Variants in ADGRA2 observed in about 807,000 individuals in gnomAD.
ADGRA2 encodes the protein adhesion G protein-coupled receptor A2.
In ADGRA2, 61 loss-of-function variants were observed where a neutral mutation model predicts 98.7. The observed-to-expected ratio is 0.62, with a 90% confidence interval of 0.50 to 0.76. The LOEUF is 0.76. Among genes scored for constraint, ADGRA2 ranks in the 30% least tolerant of loss-of-function variants. The pLI, the probability that ADGRA2 is intolerant of heterozygous loss-of-function variation, is 0.00. For missense variants in ADGRA2, 1,712 were observed against 1,860.0 expected (o/e 0.92, Z 1.46); for synonymous variants, 858 against 831.5 (o/e 1.03, Z -0.55).
Position 37,842,685 on chromosome 8 carries a change from T to C in ADGRA2, c.*330T>C. ...CCCCAAGTACTCCCACCCCGCCTACTGTCCATGCGGCCTCACTGGGGGCCA... is the reference window on the plus strand; with the variant it reads ...CCCCAAGTACTCCCACCCCGCCTACCGTCCATGCGGCCTCACTGGGGGCCA... On this transcript the variant is annotated 3_prime_UTR_variant, in exon 19 of 19. Coordinates refer to ENST00000412232, the MANE Select transcript of ADGRA2 (RefSeq NM_032777.10). 3.9e-6 allele frequency: 1 copy of C among 257,886 alleles called. No individual in the cohort carries two copies. Among genetic ancestry groups the C allele is most frequent in the East Asian group, 7.4e-5 (1 of 13,526 alleles). 16.0% of individuals were successfully genotyped at this position (257,886 alleles called of 1,614,324 possible).
intron 2 of ADGRA2, among the ~76,000 whole-genome samples, chr8:37,825,588 G>A (rs530072440): frequency 5.9e-5 from 9 of 152,128 alleles, no homozygotes; most frequent in Non-Finnish European, 1.2e-4. Context: ...TCTGGAAATT[G>A]TATGCATAGT....
chr8:37,838,089 G>T (rs1805672087), intron 14 of ADGRA2, 150 bp downstream of exon 14: 1 of 689,488 alleles, frequency 1.5e-6, no homozygotes, highest in Non-Finnish European at 2.3e-6. Flanking sequence ...GGGATGTGGG[G>T]AAATGGCCCT....
At chr8:37,815,026 C>T in intron 2 of ADGRA2, 59 bp downstream of exon 2, 1 of 1,194,008 alleles carries the variant, frequency 8.4e-7, no homozygotes, top group Non-Finnish European at 1.3e-6. Context: ...AAGAGGTCAC[C>T]CCGGGGAGGA....
At position 37,844,632 on chromosome 8, in the gene ADGRA2, G is replaced by T; in HGVS notation, c.*2277G>T. ...ATCTCCAGTGACAGTGGAGACAGGGGGTACAGGGCAGATCCGCTTCGGGGA... is the reference window on the plus strand; with the variant it reads ...ATCTCCAGTGACAGTGGAGACAGGGTGTACAGGGCAGATCCGCTTCGGGGA... On this transcript the variant is annotated 3_prime_UTR_variant, in exon 19 of 19. Transcript: ENST00000412232. 6.2e-7 allele frequency: 1 copy of T among 1,614,118 alleles called. No individual in the cohort carries two copies. The highest frequency in any genetic ancestry group is 8.5e-7 in the Non-Finnish European group (1 of 1,180,030).
intron 2 of ADGRA2, among the ~76,000 whole-genome samples, chr8:37,827,821 G>A (rs1475714167): frequency 6.8e-6 from 1 of 146,516 alleles, no homozygotes. Flanking sequence ...GAGGGGCACA[G>A]GGATAAAACA....
At chr8:37,828,052 G>A (rs1805330714) in intron 2 of ADGRA2, among the ~76,000 whole-genome samples, 1 of 152,056 alleles carries the variant, frequency 6.6e-6, no homozygotes. Context: ...AGAGGTTGGA[G>A]GATGGCTTGG....
Position 37,833,108 on chromosome 8 carries a change from C to T in ADGRA2, c.1196C>T (p.Ala399Val). 14 of 1,611,618 alleles carry T rather than the reference C, an allele frequency of 8.7e-6. No homozygotes were observed. The highest frequency in any genetic ancestry group is 1.1e-5 in the Non-Finnish European group (13 of 1,179,576). The change falls in exon 9 of 19, where the codon GCC becomes GTC. Residue 399 changes from alanine (A) to valine (V), a missense_variant. Transcript: ENST00000412232. ...GGCGGGGGTGCCCCGGGCACCCGAG[C>T]CTCCCGCCGGTGTGACCGTGCCGGC... ...PLGGGAPGTR[A>V]SRRCDRAGRW... is the part of the protein sequence containing the mutation.
Position 37,842,042 on chromosome 8 carries a change from G to A in ADGRA2, c.3704G>A (p.Arg1235His). The change falls in exon 19 of 19, where the codon CGC becomes CAC. Residue 1235 changes from arginine to histidine, a missense_variant. Arg to His is a conservative substitution (Grantham distance 29). Transcript: ENST00000412232. ...SPTDSYLGSS[R>H]NSPGAGLQLE... ...ACCGACAGCTACCTGGGCAGCAGCC[G>A]CAACAGCCCGGGCGCCGGCCTGCAG... is the stretch of plus-strand genomic sequence containing the variant. 1.3e-6 allele frequency: 2 copies of A among 1,519,122 alleles called. No homozygotes were observed. Among genetic ancestry groups the A allele is most frequent in the Admixed American group, 2.0e-5 (1 of 49,144 alleles). The allele number at this position is 1,519,122 out of a possible 1,614,324, so 94.1% of individuals were successfully genotyped here. A position where few individuals can be genotyped will look rare whatever the true frequency, so the allele number is the denominator to read the frequency against.
chr8:37,806,526 C>CTTTTTCTTTTTTTTTTTT (rs756594430), intron 1 of ADGRA2, among the ~76,000 whole-genome samples: 1 of 100,356 alleles, frequency 1.0e-5, no homozygotes, highest in African/African-American at 5.1e-5. Flanking sequence ...TTTTCTTTTT[C>CTTTTTCTTTTTTTTTTTT]TTTTTTTTTT....
intron 1 of ADGRA2, among the ~76,000 whole-genome samples, chr8:37,801,430 G>A (rs1804500786): frequency 6.6e-6 from 1 of 152,156 alleles, no homozygotes; most frequent in African/African-American, 2.4e-5. Context: ...GGGAGAACCT[G>A]GGTGTGGGAG....
intron 2 of ADGRA2, among the ~76,000 whole-genome samples, chr8:37,821,697 G>A (rs964133451): frequency 1.1e-4 from 17 of 152,288 alleles, no homozygotes; most frequent in African/African-American, 3.9e-4. Context: ...CCAGAGGCTC[G>A]TGCACGGCTA....
chr8:37,839,798 G>A (rs1438047098), intron 16 of ADGRA2, among the ~76,000 whole-genome samples, 176 bp downstream of exon 16: 4 of 152,164 alleles, frequency 2.6e-5, no homozygotes, highest in Non-Finnish European at 1.5e-5. Context: ...GTGAAAGTAG[G>A]GGGTGGTAAG....
At position 37,844,253 on chromosome 8, in the gene ADGRA2, T is replaced by C; in HGVS notation, c.*1898T>C. 1 of 548,226 alleles carries C rather than the reference T, an allele frequency of 1.8e-6. No individual in the cohort carries two copies. Among genetic ancestry groups the C allele is most frequent in the Non-Finnish European group, 3.3e-6 (1 of 304,948 alleles). 34.0% of individuals were successfully genotyped at this position (548,226 alleles called of 1,614,324 possible). A position where few individuals can be genotyped will look rare whatever the true frequency, so the allele number is the denominator to read the frequency against. On this transcript the variant is annotated 3_prime_UTR_variant, in exon 19 of 19. Coordinates refer to ENST00000412232, the MANE Select transcript of ADGRA2 (RefSeq NM_032777.10). ...ATGAGGAAAGCCATCTCACAGAACA[T>C]GGACATAGGCAACTTGCTCTCCCAC...
intron 13 of ADGRA2, among the ~76,000 whole-genome samples, chr8:37,836,193 T>C (rs1805611278): frequency 6.6e-6 from 1 of 151,924 alleles, no homozygotes; most frequent in Non-Finnish European, 1.5e-5. Flanking sequence ...ATCTAGGCCA[T>C]AGTCCCTGCT....
intron 2 of ADGRA2, among the ~76,000 whole-genome samples, chr8:37,819,524 A>T (rs993483051): frequency 1.3e-5 from 2 of 152,150 alleles, no homozygotes; most frequent in Non-Finnish European, 2.9e-5. Flanking sequence ...ACACGCCACC[A>T]TGCCCAGCTA....
chr8:37,831,302 C>A, intron 7 of ADGRA2, 121 bp from the exon 8 acceptor site: 2 of 865,536 alleles, frequency 2.3e-6, no homozygotes, highest in Non-Finnish European at 3.6e-6. Context: ...TGCATACTTG[C>A]ATCCCTTGTT....
intron 14 of ADGRA2, 93 bp from the exon 15 acceptor site, chr8:37,838,863 C>T (rs1805697316): frequency 1.4e-6 from 2 of 1,449,956 alleles, no homozygotes; most frequent in Non-Finnish European, 1.9e-6. Context: ...AAGTGCAGGA[C>T]CAAGGCTGAC....
In ADGRA2 at chr8:37,824,275, C is replaced by T. The variant is rs139998620; in HGVS notation, c.339-4613C>T. Among the ~76,000 whole-genome samples, 1,162 of 152,030 alleles carry T rather than the reference C, an allele frequency of 7.6e-3. 17 individuals carry two copies. Among genetic ancestry groups the T allele is most frequent in the African/African-American group, 0.027 (1,114 of 41,458 alleles). On this transcript the variant is annotated intron_variant, in intron 2 of 18. Coordinates refer to ENST00000412232, the MANE Select transcript of ADGRA2 (RefSeq NM_032777.10). Reference sequence around the variant, plus strand: ...CGAACTCCTGACCTCGTGATCTGCCCGCCTTGGCCACCCAGAGTGCTGGGA... The same window carrying T: ...CGAACTCCTGACCTCGTGATCTGCCTGCCTTGGCCACCCAGAGTGCTGGGA...
intron 2 of ADGRA2, among the ~76,000 whole-genome samples, chr8:37,823,432 C>G (rs750721994): frequency 6.6e-6 from 1 of 152,068 alleles, no homozygotes; most frequent in Non-Finnish European, 1.5e-5. Context: ...AACTCCTGGT[C>G]TCAAGTGAGC....
Sources: allele counts gnomAD v4.1 joint callset (sites outside exome capture counted in the v4.1 genomes callset), GRCh38; gene constraint gnomAD v4.1.1; transcripts MANE v1.5; gene names NCBI Gene and HGNC (gene_info 2026-07-23, HGNC 2026-07-21).